Variants in JAZF1 observed in about 807,000 individuals in gnomAD.
JAZF1 encodes the protein JAZF zinc finger 1.
JAZF1 carries 8 observed loss-of-function variants against 26.4 expected under a neutral mutation model. The observed-to-expected ratio is 0.30, with a 90% CI of 0.18 to 0.55. JAZF1 has a LOEUF of 0.55. Ranked by LOEUF, JAZF1 falls within the 20% of genes least tolerant of loss-of-function variation. JAZF1 has a pLI of 0.94. For missense variants in JAZF1, 199 were observed against 322.0 expected (o/e 0.62, Z 2.92); for synonymous variants, 126 against 122.3 (o/e 1.03, Z -0.20).
intron 2 of JAZF1, among the ~76,000 whole-genome samples, chr7:27,950,938 A>G (rs752961977): frequency 1.3e-5 from 2 of 152,152 alleles, no homozygotes; most frequent in Non-Finnish European, 2.9e-5. Flanking sequence ...CAACTCCTGC[A>G]TACAAGATAA....
chr7:28,087,253 T>C (rs1562582627), intron 1 of JAZF1, among the ~76,000 whole-genome samples: 1 of 152,180 alleles, frequency 6.6e-6, no homozygotes, highest in African/African-American at 2.4e-5. Flanking sequence ...AGGGTCTCAC[T>C]TGATTTCAAG....
chr7:28,166,322 A>T (rs982763752), intron 1 of JAZF1, among the ~76,000 whole-genome samples: 2 of 152,212 alleles, frequency 1.3e-5, no homozygotes, highest in Non-Finnish European at 2.9e-5. Context: ...ATTGCTGTGC[A>T]AGCTTCTAAA....
intron 1 of JAZF1, among the ~76,000 whole-genome samples, chr7:28,155,556 C>CT (rs1351138737): frequency 6.6e-6 from 1 of 152,186 alleles, no homozygotes; most frequent in Non-Finnish European, 1.5e-5. Flanking sequence ...ATTTAGGAAC[C>CT]TTTTACAGCT....
intron 1 of JAZF1, among the ~76,000 whole-genome samples, chr7:28,141,035 A>G (rs1782952778): frequency 1.3e-5 from 2 of 152,260 alleles, no homozygotes; most frequent in Admixed American, 1.3e-4. Context: ...CATTCACAGC[A>G]TATAGTTTAG....
intron 1 of JAZF1, among the ~76,000 whole-genome samples, chr7:28,001,551 G>C (rs1399119606): frequency 6.6e-6 from 1 of 152,192 alleles, no homozygotes; most frequent in Non-Finnish European, 1.5e-5. Flanking sequence ...ATTCAGAAAA[G>C]ATGAGAAAAT....
intron 1 of JAZF1, among the ~76,000 whole-genome samples, chr7:28,075,219 G>C (rs1451170645): frequency 4.6e-5 from 7 of 152,144 alleles, no homozygotes; most frequent in Admixed American, 2.6e-4. Flanking sequence ...GCTGTTGGCA[G>C]CATTTTCCAA....
In JAZF1 at chr7:27,919,575, G is replaced by A. The variant is rs952882428; in HGVS notation, c.189-24159C>T. Among the ~76,000 whole-genome samples the A allele has an allele frequency of 1.2e-4, 18 of 152,134 alleles. No individual in the cohort carries two copies. The East Asian group carries it at 1.3e-3, about 11-fold the overall frequency. On this transcript the variant is annotated intron_variant, in intron 2 of 4. Coordinates refer to ENST00000283928, the MANE Select transcript of JAZF1 (RefSeq NM_175061.4). ...GAACAAGCATGAGGATGCATTTTAC[G>A]ATGATAAGGTAGCAACAGGAAATAA...
chr7:28,027,846 C>T (rs1165353543), intron 1 of JAZF1, among the ~76,000 whole-genome samples: 1 of 152,092 alleles, frequency 6.6e-6, no homozygotes, highest in East Asian at 1.9e-4. Flanking sequence ...GGGATTCAGC[C>T]CCGATGCCTG....
At chr7:27,987,405 G>A (rs1040361796) in intron 2 of JAZF1, among the ~76,000 whole-genome samples, 2 of 152,062 alleles carry the variant, frequency 1.3e-5, no homozygotes, top group African/African-American at 4.8e-5. Context: ...GAAGTGAGGA[G>A]CCCCTCCACC....
intron 2 of JAZF1, among the ~76,000 whole-genome samples, chr7:27,974,887 GTTT>G (rs11351713): frequency 7.2e-6 from 1 of 138,486 alleles, no homozygotes; most frequent in Non-Finnish European, 1.6e-5. Context: ...GCCTTAGGGA[GTTT>G]TTTTTTTTTT....
chr7:27,845,707 A>AG (rs1783013020), intron 3 of JAZF1, among the ~76,000 whole-genome samples: 1 of 93,114 alleles, frequency 1.1e-5, no homozygotes, highest in Non-Finnish European at 2.4e-5. Context: ...AAAAAAAAAA[A>AG]AAAAAAAGAA....
chr7:27,899,616 G>A (rs1211860156), intron 2 of JAZF1, among the ~76,000 whole-genome samples: 2 of 151,868 alleles, frequency 1.3e-5, no homozygotes, highest in Non-Finnish European at 2.9e-5. Context: ...TGGATTTTTT[G>A]TAGAGATGGG....
chr7:27,903,015 TAA>T (rs60212939), intron 2 of JAZF1, among the ~76,000 whole-genome samples: 3,243 of 98,968 alleles, frequency 0.033, 56 homozygotes, highest in Non-Finnish European at 0.045. Flanking sequence ...GACTCCGTCT[TAA>T]AAAAAAAAAA....
Position 28,048,036 on chromosome 7 carries a change from G to C in JAZF1, c.116-56055C>G, listed in dbSNP as rs1783527049. Among the ~76,000 whole-genome samples, 3 of 152,134 alleles carry C rather than the reference G, an allele frequency of 2.0e-5. No individual in the cohort carries two copies. In the South Asian group the frequency reaches 6.2e-4, roughly 32 times the overall value. On this transcript the variant is annotated intron_variant, in intron 1 of 4. Transcript: ENST00000283928. ...CAAAATCTGTCCCTAGTATCGTTGA[G>C]GAGGAAGGAGATTTGGCTACTTTTC...
At chr7:28,119,447 C>T (rs1319105102) in intron 1 of JAZF1, among the ~76,000 whole-genome samples, 1 of 152,046 alleles carries the variant, frequency 6.6e-6, no homozygotes, top group Non-Finnish European at 1.5e-5. Context: ...CTGACTCAAC[C>T]TTCCCTTGAC....
At chr7:28,140,217 G>A (rs936746427) in intron 1 of JAZF1, among the ~76,000 whole-genome samples, 1 of 151,766 alleles carries the variant, frequency 6.6e-6, no homozygotes, top group African/African-American at 2.4e-5. Context: ...TGAGTAGCTG[G>A]GATTACAGGC....
At chr7:27,949,072 C>G (rs1424592008) in intron 2 of JAZF1, among the ~76,000 whole-genome samples, 1 of 152,208 alleles carries the variant, frequency 6.6e-6, no homozygotes, top group Non-Finnish European at 1.5e-5. Context: ...CTGCTCTCAT[C>G]AGTTACACCC....
chr7:28,007,008 A>G (rs1051824325), intron 1 of JAZF1, among the ~76,000 whole-genome samples: 1 of 152,234 alleles, frequency 6.6e-6, no homozygotes, highest in African/African-American at 2.4e-5. Flanking sequence ...CCCCAGAAGC[A>G]CATGGAACAC....
intron 2 of JAZF1, among the ~76,000 whole-genome samples, chr7:27,896,342 C>A (rs1784062517): frequency 6.6e-6 from 1 of 152,076 alleles, no homozygotes; most frequent in Non-Finnish European, 1.5e-5. Flanking sequence ...GAACATTCAC[C>A]TTTTCATATT....
Sources: allele counts gnomAD v4.1 joint callset (sites outside exome capture counted in the v4.1 genomes callset), GRCh38; gene constraint gnomAD v4.1.1; transcripts MANE v1.5; gene names NCBI Gene and HGNC (gene_info 2026-07-23, HGNC 2026-07-21).